The following CLSTN2 variants were observed in gnomAD, a reference collection of about 807,000 sequenced individuals.
CLSTN2 encodes calsyntenin-2.
CLSTN2 carries 48 observed loss-of-function variants against 101.2 expected under a neutral mutation model. The ratio of observed to expected loss-of-function variants is 0.47; its 90% confidence interval spans 0.38 to 0.60. The LOEUF (loss-of-function observed/expected upper bound fraction) is 0.60, where lower values mean the gene tolerates loss of function less well. CLSTN2 is among the 20% of genes least tolerant of loss of function. CLSTN2 has a pLI of 0.00. For missense variants in CLSTN2, 1,160 were observed against 1,238.2 expected (o/e 0.94, Z 0.95); for synonymous variants, 481 against 463.6 (o/e 1.04, Z -0.48).
chr3:140,215,788 A>C (rs1276495087), intron 2 of CLSTN2, among the ~76,000 whole-genome samples: 1 of 152,248 alleles, frequency 6.6e-6, no homozygotes, highest in Non-Finnish European at 1.5e-5. Context: ...TATAAGGATT[A>C]AATGTGTTAA....
intron 8 of CLSTN2, among the ~76,000 whole-genome samples, chr3:140,479,697 G>A (rs900828059): frequency 1.4e-4 from 21 of 152,258 alleles, no homozygotes; most frequent in African/African-American, 4.8e-4. Context: ...TATCTAAAGT[G>A]AAAATATGGA....
intron 1 of CLSTN2, among the ~76,000 whole-genome samples, chr3:140,028,665 T>C (rs921483641): frequency 1.3e-5 from 2 of 152,186 alleles, no homozygotes; most frequent in East Asian, 1.9e-4. Context: ...CAACTGCCTA[T>C]GGAGCATGAA....
intron 1 of CLSTN2, among the ~76,000 whole-genome samples, chr3:139,966,827 G>A (rs1935608465): frequency 6.6e-6 from 1 of 152,186 alleles, no homozygotes; most frequent in South Asian, 2.1e-4. Context: ...TTTGTGCGAA[G>A]TGGGCAGGAC....
At chr3:140,479,689 T>C (rs2107750794) in intron 8 of CLSTN2, among the ~76,000 whole-genome samples, 1 of 152,156 alleles carries the variant, frequency 6.6e-6, no homozygotes, top group African/African-American at 2.4e-5. Context: ...AAATACAATA[T>C]CTAAAGTGAA....
At chr3:140,460,393 G>C (rs1933530410) in intron 7 of CLSTN2, 1 of 156,330 alleles carries the variant, frequency 6.4e-6, no homozygotes, top group Admixed American at 6.1e-5. Flanking sequence ...TCTGTGAATG[G>C]GACGTTATAG....
At chr3:140,502,468 T>A (rs1934598635) in intron 8 of CLSTN2, among the ~76,000 whole-genome samples, 1 of 152,162 alleles carries the variant, frequency 6.6e-6, no homozygotes, top group Admixed American at 6.6e-5. Context: ...CAAGCAGAGG[T>A]GGTCTTTGGT....
At chr3:140,253,757 G>A (rs190979872) in intron 2 of CLSTN2, among the ~76,000 whole-genome samples, 3 of 152,192 alleles carry the variant, frequency 2.0e-5, no homozygotes, top group African/African-American at 7.2e-5. Flanking sequence ...CCCACCAAAG[G>A]GTTTCGGTCT....
At chr3:140,154,623 G>A (rs1399324969) in intron 1 of CLSTN2, among the ~76,000 whole-genome samples, 1 of 149,084 alleles carries the variant, frequency 6.7e-6, no homozygotes, top group East Asian at 2.0e-4. Flanking sequence ...AGGAGAGAGA[G>A]AGAGGGGAAG....
chr3:140,513,599 T>TTA lies in CLSTN2; in HGVS notation c.1345-18724_1345-18723insAT, dbSNP rs1553750575. ...TTTTTCTTTCTTTTTTTTTTTTTTT[T>TTA]TGGGTGTGTGTCTCTGCCAGATTTT... On this transcript the variant is annotated intron_variant, in intron 8 of 16. Transcript: ENST00000458420. Among the ~76,000 whole-genome samples the TTA allele has an allele frequency of 1.3e-5, 2 of 148,546 alleles. 1 individual carries two copies. The highest frequency in any genetic ancestry group is 3.0e-5 in the Non-Finnish European group (2 of 67,166).
intron 2 of CLSTN2, among the ~76,000 whole-genome samples, chr3:140,285,400 C>A (rs2086886766): frequency 6.6e-6 from 1 of 152,090 alleles, no homozygotes; most frequent in Non-Finnish European, 1.5e-5. Flanking sequence ...GTTATGCCCT[C>A]ACGCTTCAGG....
At chr3:140,206,008 G>A (rs1379610607) in intron 2 of CLSTN2, among the ~76,000 whole-genome samples, 1 of 152,150 alleles carries the variant, frequency 6.6e-6, no homozygotes, top group African/African-American at 2.4e-5. Context: ...GCACAGGAGT[G>A]AGGGATTTTA....
chr3:140,254,260 A>G (rs1433933178), intron 2 of CLSTN2, among the ~76,000 whole-genome samples: 2 of 152,162 alleles, frequency 1.3e-5, no homozygotes, highest in East Asian at 3.9e-4. Flanking sequence ...CATTACATAT[A>G]TGAGTGAGGG....
intron 2 of CLSTN2, among the ~76,000 whole-genome samples, chr3:140,213,343 C>G: frequency 6.6e-6 from 1 of 152,208 alleles, no homozygotes; most frequent in East Asian, 1.9e-4. Context: ...ATATCCAGGA[C>G]TAGGCAGGGG....
At chr3:140,117,097 T>C (rs1193669381) in intron 1 of CLSTN2, among the ~76,000 whole-genome samples, 2 of 152,130 alleles carry the variant, frequency 1.3e-5, no homozygotes, top group East Asian at 3.9e-4. Flanking sequence ...GTGTGTGAAA[T>C]GTCTTTCTCA....
chr3:140,470,985 C>T (rs1027397974), intron 8 of CLSTN2, among the ~76,000 whole-genome samples: 7 of 152,164 alleles, frequency 4.6e-5, no homozygotes, highest in Admixed American at 1.3e-4. Flanking sequence ...CTCTGCCCCG[C>T]ACCGCAGCAG....
At chr3:140,111,005 C>T (rs1164360779) in intron 1 of CLSTN2, among the ~76,000 whole-genome samples, 1 of 152,158 alleles carries the variant, frequency 6.6e-6, no homozygotes, top group African/African-American at 2.4e-5. Flanking sequence ...ATCCTGGGCT[C>T]TTCAACCCCA....
chr3:140,130,758 T>G (rs1310099463), intron 1 of CLSTN2, among the ~76,000 whole-genome samples: 1 of 152,088 alleles, frequency 6.6e-6, no homozygotes, highest in Non-Finnish European at 1.5e-5. Flanking sequence ...AAGAAAGAGG[T>G]GGCTATGTTT....
At chr3:140,219,916 G>A (rs1388543853) in intron 2 of CLSTN2, among the ~76,000 whole-genome samples, 2 of 152,130 alleles carry the variant, frequency 1.3e-5, no homozygotes, top group African/African-American at 4.8e-5. Context: ...TGTTTGAAGA[G>A]CTTTGGGCAT....
At chr3:140,312,475 T>C (rs2087179813) in intron 2 of CLSTN2, among the ~76,000 whole-genome samples, 3 of 152,238 alleles carry the variant, frequency 2.0e-5, no homozygotes, top group Admixed American at 1.3e-4. Flanking sequence ...TTGACAGCCA[T>C]GGTTATCATC....
Sources: gnomAD v4.1 joint callset for allele counts (sites outside exome capture counted in the v4.1 genomes callset) on GRCh38, gnomAD v4.1.1 for gene constraint, MANE v1.5 for transcripts, NCBI Gene and HGNC (gene_info 2026-07-23, HGNC 2026-07-21) for gene names.